The following MAPKAP1 variants were observed in gnomAD, a reference collection of about 807,000 sequenced individuals.
The protein encoded by MAPKAP1 is target of rapamycin complex 2 subunit MAPKAP1.
A neutral mutation model predicts 65.7 loss-of-function variants in MAPKAP1; 20 were observed. The ratio of observed to expected loss-of-function variants is 0.30; its 90% CI spans 0.21 to 0.44. The LOEUF (loss-of-function observed/expected upper bound fraction) is 0.44, where lower values mean the gene tolerates loss of function less well. MAPKAP1 is among the 20% of genes least tolerant of loss of function. The pLI is 1.00. For synonymous variants in MAPKAP1, 222 were observed against 244.3 expected (o/e 0.91, Z 0.85); for missense variants, 423 against 648.0 (o/e 0.65, Z 3.77).
chr9:125,661,654 T>C (rs1327148356), intron 3 of MAPKAP1, among the ~76,000 whole-genome samples: 1 of 152,214 alleles, frequency 6.6e-6, no homozygotes, highest in Non-Finnish European at 1.5e-5. Context: ...AAAAACCTTT[T>C]TAAAAATGAC....
chr9:125,682,529 C>G (rs904690799), intron 1 of MAPKAP1, among the ~76,000 whole-genome samples: 2 of 152,242 alleles, frequency 1.3e-5, no homozygotes, highest in African/African-American at 4.8e-5. Context: ...AACCTGCCAA[C>G]ATTTCCAGCT....
At chr9:125,493,572 G>A (rs746693594) in intron 8 of MAPKAP1, among the ~76,000 whole-genome samples, 1 of 152,192 alleles carries the variant, frequency 6.6e-6, no homozygotes, top group Non-Finnish European at 1.5e-5. Context: ...AACAGCACCT[G>A]AGGTTTGTAC....
At chr9:125,679,961 G>A (rs970081663) in intron 1 of MAPKAP1, among the ~76,000 whole-genome samples, 1 of 152,098 alleles carries the variant, frequency 6.6e-6, no homozygotes, top group Non-Finnish European at 1.5e-5. Flanking sequence ...TATAAATGCT[G>A]GCATGTTAAT....
intron 10 of MAPKAP1, among the ~76,000 whole-genome samples, chr9:125,448,922 T>C (rs968787843): frequency 6.6e-6 from 1 of 151,344 alleles, no homozygotes; most frequent in Admixed American, 6.6e-5. Context: ...GGAGAATTGC[T>C]TGAACCCAGG....
intron 7 of MAPKAP1, among the ~76,000 whole-genome samples, chr9:125,524,042 TTTATTTA>T (rs1829694212): frequency 6.6e-6 from 1 of 152,244 alleles, no homozygotes; most frequent in Non-Finnish European, 1.5e-5. Flanking sequence ...TACTTATTTA[TTTATTTA>T]TTTTTTATTT....
In MAPKAP1 at chr9:125,439,249, G is replaced by C. The variant is rs1852394437; in HGVS notation, c.1444-237C>G. The stretch of plus-strand genomic sequence containing the variant: ...CCAAGTGGCCAGTCCAGGCTTCCCA[G>C]TCAGTGAGCGGCGAGCTCTTCAGGT... On this transcript the variant is annotated intron_variant, in intron 11 of 11. Coordinates refer to ENST00000265960, the MANE Select transcript of MAPKAP1 (RefSeq NM_001006617.3). This position sits in a 1 kb window ranked among gnomAD's most constrained non-coding sequence, Gnocchi z 4.0. Among the ~76,000 whole-genome samples the C allele has an allele frequency of 6.6e-6, 1 of 152,252 alleles. No homozygotes were observed. Among genetic ancestry groups the C allele is most frequent in the Non-Finnish European group, 1.5e-5 (1 of 68,028 alleles).
At chr9:125,625,251 T>TAAAAAAAAAAAAAAAAAAAA (rs1833073598) in intron 4 of MAPKAP1, among the ~76,000 whole-genome samples, 1 of 10,466 alleles carries the variant, frequency 9.6e-5, no homozygotes, top group Non-Finnish European at 2.5e-4. Flanking sequence ...AAAAAATAAA[T>TAAAAAAAAAAAAAAAAAAAA]AAATAAAAAA....
chr9:125,550,189 T>C (rs1446490185), intron 6 of MAPKAP1, among the ~76,000 whole-genome samples: 1 of 152,178 alleles, frequency 6.6e-6, no homozygotes, highest in African/African-American at 2.4e-5. Context: ...CTTCGTTCTA[T>C]CACAACCTTC....
intron 1 of MAPKAP1, among the ~76,000 whole-genome samples, chr9:125,681,222 C>T (rs931198951): frequency 2.6e-5 from 4 of 152,174 alleles, no homozygotes; most frequent in African/African-American, 9.7e-5. Context: ...ACTCACACTG[C>T]GATTTGCTTT....
chr9:125,665,104 T>C (rs1171464713), intron 3 of MAPKAP1, among the ~76,000 whole-genome samples: 1 of 151,868 alleles, frequency 6.6e-6, no homozygotes, highest in African/African-American at 2.4e-5. Context: ...GAGTTCAAGA[T>C]CAGCCTGGCC....
chr9:125,690,241 T>G (rs948745286), intron 1 of MAPKAP1, among the ~76,000 whole-genome samples: 1 of 152,184 alleles, frequency 6.6e-6, no homozygotes, highest in Non-Finnish European at 1.5e-5. Context: ...GAGAGAGAGC[T>G]GGCAATTAAA....
At chr9:125,479,182 C>A (rs1854216525) in intron 9 of MAPKAP1, among the ~76,000 whole-genome samples, 1 of 152,252 alleles carries the variant, frequency 6.6e-6, no homozygotes, top group East Asian at 1.9e-4. Context: ...ACAGTAAGCA[C>A]TTGATAATAA....
chr9:125,597,319 G>A (rs535900745), intron 4 of MAPKAP1, among the ~76,000 whole-genome samples: 16 of 141,638 alleles, frequency 1.1e-4, no homozygotes, highest in African/African-American at 4.2e-4. Flanking sequence ...CATGTCTGTA[G>A]TCCCAGCTAC....
At chr9:125,675,397 A>C (rs1176150868) in intron 1 of MAPKAP1, among the ~76,000 whole-genome samples, 1 of 152,244 alleles carries the variant, frequency 6.6e-6, no homozygotes, top group Non-Finnish European at 1.5e-5. Context: ...ATTCTAGGGA[A>C]ATAGATCACT....
intron 4 of MAPKAP1, among the ~76,000 whole-genome samples, chr9:125,621,500 A>G (rs1459859978): frequency 1.3e-5 from 2 of 152,236 alleles, no homozygotes; most frequent in African/African-American, 4.8e-5. Context: ...TAAATGAGAT[A>G]ATGTATATAA....
rs1047556918 is a variant in MAPKAP1 at position 125,439,236 on chromosome 9, T to A, written c.1444-224A>T. Among the ~76,000 whole-genome samples the A allele has an allele frequency of 1.3e-5, 2 of 152,202 alleles. No homozygotes were observed. The highest frequency in any genetic ancestry group is 1.3e-4 in the Admixed American group (2 of 15,292). ...AGGCTTGGAGAAGCCAAGTGGCCAG[T>A]CCAGGCTTCCCAGTCAGTGAGCGGC... On this transcript the variant is annotated intron_variant, in intron 11 of 11. Transcript: ENST00000265960. This position sits in a 1 kb window ranked among gnomAD's most constrained non-coding sequence, Gnocchi z 4.0.
At chr9:125,475,907 T>C (rs114237104) in intron 9 of MAPKAP1, among the ~76,000 whole-genome samples, 1,882 of 152,246 alleles carry the variant, frequency 0.012, 44 homozygotes, top group African/African-American at 0.043. Flanking sequence ...GTGCCAAAGA[T>C]GAGGAAGTGA....
At chr9:125,547,050 CAA>C (rs943654499) in intron 6 of MAPKAP1, among the ~76,000 whole-genome samples, 6 of 152,100 alleles carry the variant, frequency 3.9e-5, no homozygotes, top group South Asian at 2.1e-4. Context: ...TCAGTCAATT[CAA>C]AGTTAGGTCC....
intron 4 of MAPKAP1, chr9:125,651,994 C>G (rs540686372): frequency 9.6e-6 from 6 of 627,710 alleles, no homozygotes; most frequent in Admixed American, 9.6e-5. Context: ...GATCCAGAAG[C>G]AAACGTAGTT....
Sources: gnomAD v4.1 joint callset for allele counts (sites outside exome capture counted in the v4.1 genomes callset) on GRCh38, gnomAD v4.1.1 for gene constraint, Gnocchi (gnomAD v3.1) non-coding constraint, MANE v1.5 for transcripts, NCBI Gene and HGNC (gene_info 2026-07-23, HGNC 2026-07-21) for gene names.